DPF3: variants seen among roughly 807,000 people sequenced by gnomAD.
DPF3 encodes double PHD fingers 3.
A neutral mutation model predicts 56.8 loss-of-function variants in DPF3; 18 were observed. The ratio of observed to expected loss-of-function variants is 0.32; its 90% CI spans 0.22 to 0.47. DPF3 has a LOEUF of 0.47. DPF3 is among the 20% of genes least tolerant of loss of function. DPF3 has a pLI of 1.00. For synonymous variants in DPF3, 188 were observed against 180.2 expected, an observed-to-expected ratio of 1.04 and a Z score of -0.35; for missense variants, 403 against 488.8, an observed-to-expected ratio of 0.82 and a Z score of 1.65.
chr14:72,810,226 C>A (rs2140016086), intron 1 of DPF3, among the ~76,000 whole-genome samples: 1 of 152,268 alleles, frequency 6.6e-6, no homozygotes, highest in Admixed American at 6.5e-5. Flanking sequence ...GTGCTGTGGT[C>A]CAGCAACATA....
chr14:72,745,602 C>A (rs1567219395), intron 3 of DPF3, among the ~76,000 whole-genome samples: 1 of 152,040 alleles, frequency 6.6e-6, no homozygotes. Flanking sequence ...AAGGTCATAC[C>A]AATTCCGTTG....
chr14:72,807,951 C>A (rs1480855808), intron 1 of DPF3, among the ~76,000 whole-genome samples: 1 of 152,102 alleles, frequency 6.6e-6, no homozygotes, highest in Non-Finnish European at 1.5e-5. Context: ...GGCGACAGAG[C>A]AAGAACCTGT....
intron 8 of DPF3, among the ~76,000 whole-genome samples, chr14:72,671,856 C>T (rs1886690123): frequency 6.6e-6 from 1 of 152,184 alleles, no homozygotes; most frequent in Non-Finnish European, 1.5e-5. Context: ...CTTCTAATCC[C>T]ATTCTTTCAG....
chr14:72,724,867 C>T (rs1599386592), intron 4 of DPF3, among the ~76,000 whole-genome samples: 1 of 152,056 alleles, frequency 6.6e-6, no homozygotes, highest in East Asian at 1.9e-4. Flanking sequence ...TGCCACCATG[C>T]CTGGCTAATT....
chr14:72,852,995 TTTAA>T (rs1019430334), intron 1 of DPF3, among the ~76,000 whole-genome samples: 18 of 149,814 alleles, frequency 1.2e-4, no homozygotes, highest in African/African-American at 4.4e-4. Context: ...CTGATTTTTT[TTTAA>T]TTAAACTACC....
intron 1 of DPF3, among the ~76,000 whole-genome samples, chr14:72,861,785 AAG>A (rs1491161651): frequency 4.7e-5 from 7 of 150,438 alleles, no homozygotes; most frequent in African/African-American, 7.4e-5. Context: ...GAAAGAAAGA[AAG>A]AAAGAAAGAA....
rs945680911 is a variant in DPF3 at position 72,618,496 on chromosome 14, C to T, written c.*801G>A. ...TCTGTCCATAGGCCATGACTGGTCT[C>T]ACCTAAAGGATGCCCCAGCTCTGAA... On this transcript the variant is annotated 3_prime_UTR_variant, in exon 11 of 11. Transcript: ENST00000556509. Among the ~76,000 whole-genome samples the T allele has an allele frequency of 7.9e-5, 12 of 152,202 alleles. No individual in the cohort carries two copies. Among genetic ancestry groups the T allele is most frequent in the Admixed American group, 5.2e-4 (8 of 15,290 alleles).
intron 1 of DPF3, among the ~76,000 whole-genome samples, chr14:72,777,707 T>C (rs994689156): frequency 6.6e-6 from 1 of 152,120 alleles, no homozygotes; most frequent in Non-Finnish European, 1.5e-5. Flanking sequence ...GATCTGGTCA[T>C]TTAAAAGTGT....
intron 8 of DPF3, among the ~76,000 whole-genome samples, chr14:72,647,875 C>A (rs904921062): frequency 6.6e-6 from 1 of 152,162 alleles, no homozygotes; most frequent in Non-Finnish European, 1.5e-5. Flanking sequence ...AGGCAGACAC[C>A]ATCAATTCTT....
intron 1 of DPF3, among the ~76,000 whole-genome samples, chr14:72,816,962 TCA>T (rs1883315661): frequency 6.6e-6 from 1 of 152,214 alleles, no homozygotes; most frequent in African/African-American, 2.4e-5. Context: ...CATCTCATCC[TCA>T]GTTTCTCTTG....
At chr14:72,787,181 C>T (rs1106631) in intron 1 of DPF3, among the ~76,000 whole-genome samples, 12,450 of 152,310 alleles carry the variant, frequency 0.082, 770 homozygotes, top group South Asian at 0.21. Flanking sequence ...GCCCTGCTTA[C>T]ACCCCTTTCC....
intron 1 of DPF3, chr14:72,892,294 G>T (rs954670984): frequency 6.4e-5 from 98 of 1,535,344 alleles, no homozygotes; most frequent in Middle Eastern, 1.7e-4. Context: ...GAAAGCAACC[G>T]GCAGCGAGGA....
intron 3 of DPF3, among the ~76,000 whole-genome samples, chr14:72,736,753 T>C (rs1336938972): frequency 6.6e-6 from 1 of 152,056 alleles, no homozygotes; most frequent in Non-Finnish European, 1.5e-5. Flanking sequence ...CCCATCTGGA[T>C]ATAGGATTTA....
At chr14:72,779,722 C>T (rs1464737475) in intron 1 of DPF3, among the ~76,000 whole-genome samples, 3 of 152,232 alleles carry the variant, frequency 2.0e-5, no homozygotes, top group African/African-American at 4.8e-5. Flanking sequence ...AGTCTGCAAT[C>T]AATAGCCATT....
intron 1 of DPF3, among the ~76,000 whole-genome samples, chr14:72,797,802 A>G (rs957522760): frequency 6.6e-6 from 1 of 152,240 alleles, no homozygotes; most frequent in African/African-American, 2.4e-5. Context: ...TTCTAGACTC[A>G]ACTCTCCCAA....
rs1011904743 is a variant in DPF3, at chr14:72,638,159, C to T, written c.872-8423G>A. On this transcript the variant is annotated intron_variant, in intron 8 of 10. Coordinates refer to ENST00000556509, the MANE Select transcript of DPF3 (RefSeq NM_001280542.3). ...GAAGTGACTAAGAGAAGAGGGTCAT[C>T]GGTATGAGCAACTCTGGATGACTTT... Among the ~76,000 whole-genome samples, 32 of 152,174 alleles carry T rather than the reference C, an allele frequency of 2.1e-4. 1 individual carries two copies. The highest frequency in any genetic ancestry group is 5.9e-5 in the Non-Finnish European group (4 of 68,044).
At chr14:72,790,733 C>T (rs1477539720) in intron 1 of DPF3, among the ~76,000 whole-genome samples, 3 of 152,174 alleles carry the variant, frequency 2.0e-5, no homozygotes, top group African/African-American at 7.2e-5. Flanking sequence ...CTCATTGCCT[C>T]TGGCTGGGTC....
At chr14:72,869,204 C>T (rs1270145617) in intron 1 of DPF3, among the ~76,000 whole-genome samples, 3 of 152,192 alleles carry the variant, frequency 2.0e-5, no homozygotes, top group Admixed American at 1.3e-4. Flanking sequence ...CAGAAAAGGT[C>T]CCCCTACTAT....
At chr14:72,738,207 A>C (rs1382952936) in intron 3 of DPF3, among the ~76,000 whole-genome samples, 1 of 152,030 alleles carries the variant, frequency 6.6e-6, no homozygotes, top group Non-Finnish European at 1.5e-5. Flanking sequence ...CCATCTGCTC[A>C]TTCCCTAGGG....
Sources: gnomAD v4.1 joint callset for allele counts (sites outside exome capture counted in the v4.1 genomes callset) on GRCh38, gnomAD v4.1.1 for gene constraint, MANE v1.5 for transcripts, NCBI Gene and HGNC (gene_info 2026-07-23, HGNC 2026-07-21) for gene names.